The following AMMECR1 variants were observed in gnomAD, a reference collection of about 807,000 sequenced individuals.
AMMECR1 encodes nuclear protein AMMECR1.
Under a neutral mutation model 22.5 loss-of-function variants are expected in AMMECR1, and 3 were observed. That is an observed-to-expected ratio of 0.13 (90% CI 0.06 to 0.35). The LOEUF is 0.35. Ranked by LOEUF, AMMECR1 falls within the 10% of genes least tolerant of loss-of-function variation. The pLI is 1.00. For missense variants in AMMECR1, 235 were observed against 278.7 expected, an observed-to-expected ratio of 0.84 and a Z score of 1.12; for synonymous variants, 130 against 116.7, an observed-to-expected ratio of 1.11 and a Z score of -0.74.
At chrX:110,248,622 A>T (rs2067671677) in intron 2 of AMMECR1, among the ~76,000 whole-genome samples, 1 of 112,198 alleles carries the variant, frequency 8.9e-6, no homozygotes, top group African/African-American at 3.2e-5. Context: ...TTCAAATTGC[A>T]AAAATTAAAA....
chrX:110,302,490 G>A (rs1332828873), intron 1 of AMMECR1, among the ~76,000 whole-genome samples: 2 of 111,926 alleles, frequency 1.8e-5, no homozygotes, highest in South Asian at 3.8e-4. Flanking sequence ...TATAATGAAG[G>A]TGCTACCAAG....
chrX:110,254,163 C>T (rs2067699167), intron 2 of AMMECR1, among the ~76,000 whole-genome samples: 1 of 111,333 alleles, frequency 9.0e-6, no homozygotes. Flanking sequence ...CATTTTGTCA[C>T]CATTCTTTAA....
chrX:110,284,676 C>T (rs971799996), intron 1 of AMMECR1, among the ~76,000 whole-genome samples: 5 of 111,520 alleles, frequency 4.5e-5, no homozygotes, highest in Non-Finnish European at 7.5e-5. Flanking sequence ...CAAAATTAGC[C>T]CACTCTTAAA....
chrX:110,272,337 G>T (rs986637874), intron 1 of AMMECR1, among the ~76,000 whole-genome samples: 5 of 111,529 alleles, frequency 4.5e-5, no homozygotes, highest in African/African-American at 1.6e-4. Flanking sequence ...AGAAGAACTA[G>T]GTCCAGAAAT....
chrX:110,206,017 A>C (rs1176052078), intron 3 of AMMECR1, among the ~76,000 whole-genome samples: 2 of 112,502 alleles, frequency 1.8e-5, no homozygotes, highest in Admixed American at 1.9e-4. Context: ...AGAATGATTA[A>C]ATATCAAGAT....
intron 2 of AMMECR1, among the ~76,000 whole-genome samples, chrX:110,403,706 C>T (rs1313605135): frequency 8.9e-6 from 1 of 112,160 alleles, no homozygotes; most frequent in Non-Finnish European, 1.9e-5. Context: ...TTATGACAAA[C>T]TCATTTGGCA....
chrX:110,282,357 C>G (rs910478282), intron 1 of AMMECR1, among the ~76,000 whole-genome samples: 2 of 110,425 alleles, frequency 1.8e-5, no homozygotes, highest in Non-Finnish European at 3.8e-5. Flanking sequence ...AAGCTCAGCT[C>G]CACTATCCAT....
intron 1 of AMMECR1, among the ~76,000 whole-genome samples, chrX:110,287,380 C>T (rs752507267): frequency 8.9e-6 from 1 of 112,103 alleles, no homozygotes; most frequent in South Asian, 3.8e-4. Flanking sequence ...TTCTCCAATC[C>T]TGGAAAACAC....
chrX:110,438,673 C>A (rs2068857171), intron 1 of AMMECR1, among the ~76,000 whole-genome samples: 1 of 111,075 alleles, frequency 9.0e-6, no homozygotes, highest in Admixed American at 9.5e-5. Context: ...AGGTGGAATT[C>A]CTGTCTTGAT....
At chrX:110,419,725 A>G (rs2068703597) in intron 2 of AMMECR1, among the ~76,000 whole-genome samples, 1 of 112,413 alleles carries the variant, frequency 8.9e-6, no homozygotes, top group African/African-American at 3.2e-5. Context: ...GTCATTCCAT[A>G]GGAAAAAAAA....
intron 2 of AMMECR1, among the ~76,000 whole-genome samples, chrX:110,397,352 T>C (rs2068534987): frequency 9.0e-6 from 1 of 111,131 alleles, no homozygotes; most frequent in Non-Finnish European, 1.9e-5. Flanking sequence ...GACTGATCAG[T>C]CTGAGTCCAA....
At position 110,198,300 on chromosome X, in the gene AMMECR1, A is replaced by T. The variant is rs2067380505; in HGVS notation, c.*220T>A. ...CCAAAATTATATATGCTGCAAAAAAAAAATCAACGATCTAAAATAATAAAA... is the reference window on the plus strand; with the variant it reads ...CCAAAATTATATATGCTGCAAAAAATAAATCAACGATCTAAAATAATAAAA... On this transcript the variant is annotated 3_prime_UTR_variant, in exon 6 of 6. Coordinates refer to ENST00000262844, the MANE Select transcript of AMMECR1 (RefSeq NM_015365.3). The T allele has an allele frequency of 3.7e-6, 1 of 268,060 alleles. No individual in the cohort carries two copies. The highest frequency in any genetic ancestry group is 2.8e-5 in the African/African-American group (1 of 35,612). 22.1% of individuals were successfully genotyped at this position (268,060 alleles called of 1,213,427 possible). A position where few individuals can be genotyped will look rare whatever the true frequency, so the allele number is the denominator to read the frequency against.
chrX:110,288,147 G>T (rs768960987), intron 1 of AMMECR1, among the ~76,000 whole-genome samples: 5 of 112,016 alleles, frequency 4.5e-5, no homozygotes, highest in South Asian at 7.5e-4. Context: ...CTTTAGCTCA[G>T]TATCTGTGAC....
intron 2 of AMMECR1, among the ~76,000 whole-genome samples, chrX:110,335,044 C>T (rs765600081): frequency 7.1e-5 from 8 of 112,006 alleles, no homozygotes; most frequent in Non-Finnish European, 5.6e-5. Context: ...ACACTTGGCC[C>T]AGCTTTGAAT....
chrX:110,348,076 T>A (rs1235682483), intron 2 of AMMECR1, among the ~76,000 whole-genome samples: 1 of 112,307 alleles, frequency 8.9e-6, no homozygotes, highest in Non-Finnish European at 1.9e-5. Flanking sequence ...TGGTTACCTT[T>A]TTTTGGCATT....
rs1276551045 is a variant in AMMECR1, at chrX:110,369,701, A to G, written c.-147-51852T>C. Among the ~76,000 whole-genome samples, 4 of 112,131 alleles carry G rather than the reference A, an allele frequency of 3.6e-5. No individual in the cohort carries two copies. In the South Asian group the frequency reaches 1.5e-3, roughly 42 times the overall value. On this transcript the variant is annotated intron_variant, in intron 2 of 7. Coordinates refer to the AMMECR1 transcript ENST00000372057. ...CTTACTAGTTTATTGTGAATTTTTT[A>G]GAGATAGCATGTATATTATACACAC...
chrX:110,300,021 C>A (rs1184877221), intron 1 of AMMECR1, among the ~76,000 whole-genome samples: 1 of 112,192 alleles, frequency 8.9e-6, no homozygotes, highest in Non-Finnish European at 1.9e-5. Context: ...ATACTATTTT[C>A]TTCCTTTGGA....
At chrX:110,339,401 TAAAAAAAAAAAAAAA>T (rs10664998) in intron 2 of AMMECR1, among the ~76,000 whole-genome samples, 2 of 48,958 alleles carry the variant, frequency 4.1e-5, no homozygotes, top group Non-Finnish European at 7.9e-5. Flanking sequence ...TGGTTTGTTG[TAAAAAAAAAAAAAAA>T]AAAAAAAAAC....
chrX:110,380,833 T>A (rs2068413593), intron 2 of AMMECR1, among the ~76,000 whole-genome samples: 1 of 112,076 alleles, frequency 8.9e-6, no homozygotes, highest in Admixed American at 9.4e-5. Context: ...TGATAAAAAA[T>A]AAGCAACAGG....
Sources: allele counts gnomAD v4.1 joint callset (sites outside exome capture counted in the v4.1 genomes callset), GRCh38; gene constraint gnomAD v4.1.1; transcripts MANE v1.5; gene names NCBI Gene and HGNC (gene_info 2026-07-23, HGNC 2026-07-21).